The following BRINP3 variants were observed in gnomAD, a reference collection of about 807,000 sequenced individuals.
BRINP3 encodes the protein BMP/retinoic acid inducible neural specific 3, also known as BMP/retinoic acid-inducible neural-specific protein 3.
BRINP3 carries 19 observed loss-of-function variants against 71.0 expected under a neutral mutation model. The observed-to-expected ratio is 0.27, with a 90% CI of 0.19 to 0.39. BRINP3 has a LOEUF of 0.39. Among genes scored for constraint, BRINP3 ranks in the 10% least tolerant of loss-of-function variants. BRINP3 has a pLI of 1.00. For missense variants in BRINP3, 959 were observed against 940.8 expected, an observed-to-expected ratio of 1.02 and a Z score of -0.25; for synonymous variants, 380 against 337.7, an observed-to-expected ratio of 1.13 and a Z score of -1.37.
chr1:190,247,554 G>T (rs1406354404), intron 4 of BRINP3, among the ~76,000 whole-genome samples: 2 of 151,826 alleles, frequency 1.3e-5, no homozygotes, highest in Non-Finnish European at 2.9e-5. Context: ...CTATAGTGCT[G>T]CAGAATGCCA....
chr1:190,414,652 T>C (rs1163737889), intron 2 of BRINP3, among the ~76,000 whole-genome samples: 1 of 152,172 alleles, frequency 6.6e-6, no homozygotes, highest in Non-Finnish European at 1.5e-5. Context: ...TTTGCTCTTT[T>C]AAAGAGTTGC....
chr1:190,114,908 T>C (rs1653001412), intron 7 of BRINP3, among the ~76,000 whole-genome samples: 1 of 152,210 alleles, frequency 6.6e-6, no homozygotes, highest in Non-Finnish European at 1.5e-5. Flanking sequence ...CCTTAATCAC[T>C]TTCAGATCTT....
At chr1:190,129,850 TAA>T (rs1654389224) in intron 7 of BRINP3, among the ~76,000 whole-genome samples, 1 of 152,088 alleles carries the variant, frequency 6.6e-6, no homozygotes, top group East Asian at 1.9e-4. Context: ...AATATATCGA[TAA>T]GACAGCCAAT....
chr1:190,214,479 T>G (rs1656237579), intron 6 of BRINP3, among the ~76,000 whole-genome samples: 1 of 152,062 alleles, frequency 6.6e-6, no homozygotes, highest in Admixed American at 6.6e-5. Flanking sequence ...AACAGTGCAC[T>G]GTAGAGTCAT....
At chr1:190,332,190 T>C (rs998782653) in intron 2 of BRINP3, among the ~76,000 whole-genome samples, 3 of 152,046 alleles carry the variant, frequency 2.0e-5, no homozygotes, top group Non-Finnish European at 4.4e-5. Flanking sequence ...GTGTGTGAAT[T>C]TCCTGTAAAC....
At chr1:190,360,785 C>T (rs181144910) in intron 2 of BRINP3, among the ~76,000 whole-genome samples, 1 of 152,084 alleles carries the variant, frequency 6.6e-6, no homozygotes, top group Admixed American at 6.6e-5. Context: ...GTGTTGAGCA[C>T]AGCAGTTATA....
At chr1:190,102,612 A>G (rs1651797038) in intron 7 of BRINP3, among the ~76,000 whole-genome samples, 1 of 152,058 alleles carries the variant, frequency 6.6e-6, no homozygotes, top group African/African-American at 2.4e-5. Flanking sequence ...GAAGGAAAAA[A>G]GGAAGGGAGA....
At chr1:190,308,209 T>C (rs1431619614) in intron 2 of BRINP3, among the ~76,000 whole-genome samples, 2 of 150,074 alleles carry the variant, frequency 1.3e-5, no homozygotes, top group African/African-American at 5.0e-5. Flanking sequence ...TGTATATAGT[T>C]TTCAATTATA....
rs142905107 is a variant in BRINP3, at chr1:190,208,775, A to G, written c.961+17307T>C. On this transcript the variant is annotated intron_variant, in intron 6 of 7. Transcript: ENST00000367462. Reference sequence around the variant, plus strand: ...CTCTCAATGTGCTGGAATTACAGGCATGAGCCACCATGCCCAATCAGAACC... The same window carrying G: ...CTCTCAATGTGCTGGAATTACAGGCGTGAGCCACCATGCCCAATCAGAACC... Among the ~76,000 whole-genome samples, 507 of 152,218 alleles carry G rather than the reference A, an allele frequency of 3.3e-3. 2 individuals are homozygous for G. The highest frequency in any genetic ancestry group is 0.012 in the African/African-American group (494 of 41,554).
intron 6 of BRINP3, among the ~76,000 whole-genome samples, chr1:190,219,250 G>GA (rs1376922944): frequency 1.3e-5 from 2 of 151,930 alleles, no homozygotes; most frequent in Admixed American, 1.3e-4. Flanking sequence ...TCCTCAAAAA[G>GA]ACAGAACAAA....
At chr1:190,449,761 A>C (rs1008174080) in intron 2 of BRINP3, among the ~76,000 whole-genome samples, 1 of 152,142 alleles carries the variant, frequency 6.6e-6, no homozygotes, top group African/African-American at 2.4e-5. Context: ...TGTATAGCTG[A>C]GGCGGAATTT....
intron 2 of BRINP3, among the ~76,000 whole-genome samples, chr1:190,295,401 G>C (rs1471970130): frequency 6.6e-6 from 1 of 151,050 alleles, no homozygotes; most frequent in Non-Finnish European, 1.5e-5. Flanking sequence ...CCTGGGGTTG[G>C]GGGAGGAGTG....
intron 3 of BRINP3, among the ~76,000 whole-genome samples, chr1:190,268,078 C>G (rs1661807516): frequency 1.3e-5 from 2 of 152,188 alleles, no homozygotes; most frequent in South Asian, 4.1e-4. Context: ...ATGCTTATCT[C>G]ATGACCAATA....
chr1:190,220,095 C>T (rs962831201), intron 6 of BRINP3, among the ~76,000 whole-genome samples: 1 of 151,846 alleles, frequency 6.6e-6, no homozygotes, highest in Admixed American at 6.6e-5. Flanking sequence ...AGGTATAGAA[C>T]GATCTGGGAA....
At chr1:190,229,848 A>G (rs1657788987) in intron 5 of BRINP3, among the ~76,000 whole-genome samples, 1 of 152,058 alleles carries the variant, frequency 6.6e-6, no homozygotes, top group South Asian at 2.1e-4. Flanking sequence ...ACAGAATTCA[A>G]TAAAATATGA....
At chr1:190,286,536 C>A (rs1226484660) in intron 2 of BRINP3, among the ~76,000 whole-genome samples, 1 of 152,020 alleles carries the variant, frequency 6.6e-6, no homozygotes, top group Admixed American at 6.6e-5. Flanking sequence ...GAAAAAGAAA[C>A]CCAAAATATA....
At chr1:190,106,917 A>C (rs1184783957) in intron 7 of BRINP3, among the ~76,000 whole-genome samples, 1 of 151,846 alleles carries the variant, frequency 6.6e-6, no homozygotes, top group East Asian at 1.9e-4. Context: ...AATTTAATGA[A>C]ATTTTAGTGT....
chr1:190,212,236 T>C (rs1222371700), intron 6 of BRINP3, among the ~76,000 whole-genome samples: 4 of 152,106 alleles, frequency 2.6e-5, no homozygotes, highest in East Asian at 1.9e-4. Flanking sequence ...ATTAGACTTT[T>C]ATATCCAGTT....
chr1:190,446,801 G>T (rs1012041050), intron 2 of BRINP3, among the ~76,000 whole-genome samples: 1 of 151,978 alleles, frequency 6.6e-6, no homozygotes, highest in Non-Finnish European at 1.5e-5. Flanking sequence ...AGACAGAAAA[G>T]AATACATGCC....
Sources: allele counts gnomAD v4.1 joint callset (sites outside exome capture counted in the v4.1 genomes callset), GRCh38; gene constraint gnomAD v4.1.1; transcripts MANE v1.5; gene names NCBI Gene and HGNC (gene_info 2026-07-23, HGNC 2026-07-21).